GLO1: variants seen among roughly 807,000 people sequenced by gnomAD.
The protein encoded by GLO1 is lactoylglutathione lyase.
Under a neutral mutation model 26.0 loss-of-function variants are expected in GLO1, and 28 were observed. The ratio of observed to expected loss-of-function variants is 1.08; its 90% CI spans 0.80 to 1.48. The LOEUF is 1.48. Among genes scored for constraint, GLO1 ranks in the 40% most tolerant of loss-of-function variants. The pLI, the probability that GLO1 is intolerant of heterozygous loss-of-function variation, is 0.00. For synonymous variants in GLO1, 78 were observed against 77.6 expected, an observed-to-expected ratio of 1.00 and a Z score of -0.03; for missense variants, 225 against 224.8, an observed-to-expected ratio of 1.00 and a Z score of -0.01.
intron 4 of GLO1, 129 bp downstream of exon 4, chr6:38,682,679 T>C: frequency 2.1e-6 from 1 of 480,696 alleles, no homozygotes; most frequent in Non-Finnish European, 3.7e-6. Flanking sequence ...ATAAAAATAA[T>C]CATATCTCTA....
chr6:38,694,074 G>A (rs1030143181), intron 1 of GLO1, among the ~76,000 whole-genome samples: 3 of 152,242 alleles, frequency 2.0e-5, no homozygotes, highest in Non-Finnish European at 4.4e-5. Context: ...TATTTATTTA[G>A]AAGTGTGCTG....
chr6:38,687,196 G>A, intron 1 of GLO1: 3 of 645,066 alleles, frequency 4.7e-6, no homozygotes, highest in South Asian at 6.9e-5. Flanking sequence ...ACCAATGGTC[G>A]ATAAAAAACC....
intron 1 of GLO1, among the ~76,000 whole-genome samples, chr6:38,702,097 A>G (rs1761711649): frequency 6.6e-6 from 1 of 151,764 alleles, no homozygotes; most frequent in African/African-American, 2.4e-5. Flanking sequence ...CGCCCAGCTC[A>G]TTTTTTTGTA....
chr6:38,683,303 A>G (rs977872419), intron 3 of GLO1: 1 of 156,278 alleles, frequency 6.4e-6, no homozygotes, highest in African/African-American at 2.4e-5. Flanking sequence ...GAAATCACAC[A>G]CTCTGAAATC....
chr6:38,682,106 C>T lies in GLO1; in HGVS notation c.377-5G>A, dbSNP rs201361403. ...GAACAGCAATTCCAATATGACCTTA[C>T]GTGATACCCCCCGAAAAAAGCAGAG... On this transcript the variant is annotated splice_polypyrimidine_tract_variant and splice_region_variant and intron_variant, in intron 4 of 5. Transcript: ENST00000373365. 114 of 1,483,168 alleles carry T rather than the reference C, an allele frequency of 7.7e-5. No homozygotes were observed. The highest frequency in any genetic ancestry group is 6.1e-4 in the East Asian group (27 of 44,272). 91.9% of individuals were successfully genotyped at this position (1,483,168 alleles called of 1,614,324 possible).
intron 1 of GLO1, among the ~76,000 whole-genome samples, chr6:38,695,918 G>C (rs1260188228): frequency 6.6e-6 from 1 of 152,096 alleles, no homozygotes; most frequent in Non-Finnish European, 1.5e-5. Flanking sequence ...GGCAATATGA[G>C]GCAAAAAGAA....
rs1324466156 is a variant in GLO1 at position 38,675,948 on chromosome 6, T to C, written c.*1347A>G. 6.6e-6 allele frequency: 1 copy of C among 152,054 alleles called. No individual in the cohort carries two copies. Among genetic ancestry groups the C allele is most frequent in the Non-Finnish European group, 1.5e-5 (1 of 68,022 alleles). The allele number at this position is 152,054 out of a possible 1,614,324, so 9.4% of individuals were successfully genotyped here. ...GGTTTACAAATTAAACATAGTCTTA[T>C]TTGAAGTTTCATTTTATTTCAGTCT... On this transcript the variant is annotated 3_prime_UTR_variant, in exon 6 of 6. Transcript: ENST00000373365.
intron 1 of GLO1, among the ~76,000 whole-genome samples, chr6:38,689,777 C>A (rs995059338): frequency 7.9e-5 from 12 of 152,070 alleles, no homozygotes; most frequent in African/African-American, 2.7e-4. Context: ...GAAACCCCGT[C>A]TCTACTAAAA....
intron 1 of GLO1, chr6:38,687,195 C>T (rs773826031): frequency 1.7e-5 from 11 of 654,076 alleles, no homozygotes; most frequent in African/African-American, 5.9e-5. Flanking sequence ...AACCAATGGT[C>T]GATAAAAAAC....
At chr6:38,687,626 G>A (rs1330486461) in intron 1 of GLO1, among the ~76,000 whole-genome samples, 2 of 152,182 alleles carry the variant, frequency 1.3e-5, no homozygotes, top group Non-Finnish European at 2.9e-5. Context: ...TACTTATCAG[G>A]AAACAGAAGG....
intron 1 of GLO1, among the ~76,000 whole-genome samples, chr6:38,689,141 G>A (rs1331275351): frequency 2.0e-5 from 3 of 152,214 alleles, no homozygotes; most frequent in Non-Finnish European, 2.9e-5. Context: ...CTGTCCGACA[G>A]TGGAAAGAAA....
intron 1 of GLO1, among the ~76,000 whole-genome samples, chr6:38,699,067 T>C (rs1761654169): frequency 6.6e-6 from 1 of 152,168 alleles, no homozygotes; most frequent in Admixed American, 6.5e-5. Context: ...CTTCCACCAC[T>C]GCTTAGATAA....
rs1206273464 is a variant in GLO1 at position 38,693,677 on chromosome 6, CTCTCTCTCTA to C, written c.85-6713_85-6704del. ...CATTCAGCTCTCTCTCTCTCTCTCT[CTCTCTCTCTA>C]TATATATATATATATATATTTGTTT... On this transcript the variant is annotated intron_variant, in intron 1 of 5. Transcript: ENST00000373365. Among the ~76,000 whole-genome samples, 233 of 97,150 alleles carry C rather than the reference CTCTCTCTCTA, an allele frequency of 2.4e-3. 1 individual carries two copies. The highest frequency in any genetic ancestry group is 9.4e-3 in the African/African-American group (213 of 22,692). 63.7% of individuals were successfully genotyped at this position (97,150 alleles called of 152,430 possible). A position where few individuals can be genotyped will look rare whatever the true frequency, so the allele number is the denominator to read the frequency against.
intron 1 of GLO1, among the ~76,000 whole-genome samples, chr6:38,690,686 CAT>C (rs1437477898): frequency 3.3e-5 from 5 of 151,864 alleles, no homozygotes; most frequent in African/African-American, 1.2e-4. Flanking sequence ...AACACATACA[CAT>C]AAAGAATATT....
rs143734257 is a variant in GLO1 at position 38,676,060 on chromosome 6, G to T, written c.*1235C>A. The T allele has an allele frequency of 1.3e-5, 2 of 152,240 alleles. No individual in the cohort carries two copies. Among genetic ancestry groups the T allele is most frequent in the East Asian group, 1.9e-4 (1 of 5,186 alleles). The allele number at this position is 152,240 out of a possible 1,614,324, so 9.4% of individuals were successfully genotyped here. ...AAAGTGCTTCTAGCAGTACAAGCAC[G>T]GTTGGCATGGCCTTTCCAAAGGTCT... is the stretch of plus-strand genomic sequence containing the variant. On this transcript the variant is annotated 3_prime_UTR_variant, in exon 6 of 6. Coordinates refer to ENST00000373365, the MANE Select transcript of GLO1 (RefSeq NM_006708.3).
chr6:38,691,015 G>GT (rs1761521645), intron 1 of GLO1, among the ~76,000 whole-genome samples: 3 of 152,068 alleles, frequency 2.0e-5, no homozygotes, highest in Admixed American at 2.0e-4. Context: ...CTAAAATATC[G>GT]TTTAAAATAC....
At position 38,677,351 on chromosome 6, in the gene GLO1, G is replaced by T; in HGVS notation, c.499C>A (p.Pro167Thr). 1 of 1,559,756 alleles carries T rather than the reference G, an allele frequency of 6.4e-7. No homozygotes were observed. The highest frequency in any genetic ancestry group is 8.8e-7 in the Non-Finnish European group (1 of 1,130,548). ...KMKGLAFIQD[P>T]DGYWIEILNP... ...AAAATTTCAATCCAGTAGCCATCAG[G>T]ATCTTGAATAAATGCCAGGCCTTTC... The change falls in exon 6 of 6, where the codon CCT (proline) becomes ACT (threonine). Residue 167 changes from proline to threonine, a missense_variant. Physicochemically the swap from Pro to Thr is conservative, Grantham distance 38. Transcript: ENST00000373365.
In GLO1 at chr6:38,702,958, G is replaced by C. The variant is rs1761729315; in HGVS notation, c.84+13C>G. The C allele has an allele frequency of 2.7e-6, 4 of 1,491,514 alleles. No homozygotes were observed. The East Asian group carries it at 9.1e-5, about 34-fold the overall frequency. 92.4% of individuals were successfully genotyped at this position (1,491,514 alleles called of 1,614,324 possible). ...GGAGCTGGGGGAGCCGTTCCCTTCG[G>C]TCCTGTGCCCACCTTGGTACTGGGG... is the stretch of plus-strand genomic sequence containing the variant. On this transcript the variant is annotated intron_variant, in intron 1 of 5. Coordinates refer to ENST00000373365, the MANE Select transcript of GLO1 (RefSeq NM_006708.3).
chr6:38,686,974 C>T lies in GLO1; in HGVS notation c.85G>A (p.Asp29Asn), dbSNP rs767497323. The T allele has an allele frequency of 6.3e-7, 1 of 1,595,386 alleles. No homozygotes were observed. The highest frequency in any genetic ancestry group is 8.6e-7 in the Non-Finnish European group (1 of 1,166,752). ...AGCATGGTCTGCTGCAATAGAAAAT[C>T]CTATGGAAAAATATTTATATTAAAC... ...CCSDADPSTK[D>N]FLLQQTMLRV... The change falls in exon 2 of 6, where the codon GAT (aspartate) becomes AAT (asparagine). Residue 29 changes from aspartate (D) to asparagine (N), a missense_variant and splice_region_variant. Asp to Asn is a conservative substitution (Grantham distance 23). Transcript: ENST00000373365.
Sources: gnomAD v4.1 joint callset for allele counts (sites outside exome capture counted in the v4.1 genomes callset) on GRCh38, gnomAD v4.1.1 for gene constraint, MANE v1.5 for transcripts, NCBI Gene and HGNC (gene_info 2026-07-23, HGNC 2026-07-21) for gene names.